Variants in FRAS1 observed in about 807,000 individuals in gnomAD.
FRAS1 encodes Fraser extracellular matrix complex subunit 1, also known as extracellular matrix organizing protein FRAS1.
In FRAS1, 290 loss-of-function variants were observed where a neutral mutation model predicts 435.2. The observed-to-expected ratio is 0.67, with a 90% confidence interval of 0.61 to 0.73. FRAS1 has a LOEUF of 0.73. FRAS1 is among the 30% of genes least tolerant of loss of function. The pLI is 0.00. For synonymous variants in FRAS1, 1,800 were observed against 1,851.0 expected (o/e 0.97, Z 0.71); for missense variants, 4,860 against 5,001.5 (o/e 0.97, Z 0.85).
chr4:78,117,170 T>C (rs1269470482), intron 2 of FRAS1, among the ~76,000 whole-genome samples: 3 of 152,240 alleles, frequency 2.0e-5, no homozygotes, highest in Non-Finnish European at 4.4e-5. Flanking sequence ...CCCACTCTCT[T>C]CTGGCTTGTA....
At chr4:78,200,424 T>G (rs1723001266) in intron 2 of FRAS1, among the ~76,000 whole-genome samples, 1 of 152,190 alleles carries the variant, frequency 6.6e-6, no homozygotes, top group Non-Finnish European at 1.5e-5. Context: ...GCTGACATAT[T>G]TCTCCCAAAG....
intron 27 of FRAS1, among the ~76,000 whole-genome samples, chr4:78,383,817 T>C (rs1023388222): frequency 6.6e-6 from 1 of 152,170 alleles, no homozygotes; most frequent in Non-Finnish European, 1.5e-5. Context: ...GGAAACAAAA[T>C]GTTTACATAA....
chr4:78,182,634 T>C (rs577275000), intron 2 of FRAS1, among the ~76,000 whole-genome samples: 1 of 151,768 alleles, frequency 6.6e-6, no homozygotes, highest in East Asian at 2.0e-4. Context: ...TCCCAGCACT[T>C]TGGGAGGCCG....
chr4:78,481,679 A>T, intron 56 of FRAS1, 125 bp from the exon 57 acceptor site: 1 of 990,006 alleles, frequency 1.0e-6, no homozygotes, highest in Non-Finnish European at 1.6e-6. Flanking sequence ...CACTGAAGCT[A>T]GATTAGAAAA....
intron 9 of FRAS1, among the ~76,000 whole-genome samples, chr4:78,275,867 G>A (rs1007782199): frequency 1.2e-4 from 18 of 152,252 alleles, no homozygotes; most frequent in African/African-American, 3.9e-4. Flanking sequence ...GGCCTGCTTT[G>A]CTAGATTGGG....
chr4:78,506,893 A>G (rs62310275), intron 61 of FRAS1, among the ~76,000 whole-genome samples: 49,820 of 151,790 alleles, frequency 0.33, 8,867 homozygotes, highest in South Asian at 0.52. Context: ...AACGGTACCC[A>G]AAGTGGGTCT....
chr4:78,238,536 AG>A (rs1174099838), intron 3 of FRAS1, among the ~76,000 whole-genome samples: 1 of 151,960 alleles, frequency 6.6e-6, no homozygotes, highest in East Asian at 1.9e-4. Context: ...CAGACACTGA[AG>A]TGAAGGTATG....
intron 9 of FRAS1, among the ~76,000 whole-genome samples, chr4:78,268,910 C>A (rs1240655432): frequency 6.6e-6 from 1 of 152,206 alleles, no homozygotes; most frequent in Non-Finnish European, 1.5e-5. Context: ...CACTCCACTG[C>A]CATCTTTTCT....
chr4:78,455,631 T>G (rs887151935), intron 47 of FRAS1, among the ~76,000 whole-genome samples: 8 of 152,186 alleles, frequency 5.3e-5, no homozygotes. Context: ...TTGATTGTCC[T>G]CTGTAGACAG....
rs945135257 is a variant in FRAS1 at position 78,267,392 on chromosome 4, C to A, written c.941C>A (p.Thr314Asn). The A allele has an allele frequency of 1.2e-6, 2 of 1,613,776 alleles. No homozygotes were observed. Among genetic ancestry groups the A allele is most frequent in the African/African-American group, 2.7e-5 (2 of 74,898 alleles). ...EFCMCDHGQV[T>N]CQTGECAKVE... ...TGCATGTGTGATCATGGCCAAGTGACCTGCCAGACTGGAGAGTGTGCCAAA... is the reference window on the plus strand; with the variant it reads ...TGCATGTGTGATCATGGCCAAGTGAACTGCCAGACTGGAGAGTGTGCCAAA... The change falls in exon 9 of 74, where the codon ACC becomes AAC. Residue 314 changes from threonine (T) to asparagine (N), a missense_variant. Physicochemically the swap from Thr to Asn is moderately conservative, Grantham distance 65. Transcript: ENST00000512123.
At chr4:78,069,114 C>T (rs1397217363) in intron 2 of FRAS1, among the ~76,000 whole-genome samples, 1 of 152,086 alleles carries the variant, frequency 6.6e-6, no homozygotes, top group Non-Finnish European at 1.5e-5. Flanking sequence ...GATTGGTGTC[C>T]CTGTTCCAAA....
At chr4:78,186,476 G>T (rs529709380) in intron 2 of FRAS1, among the ~76,000 whole-genome samples, 1 of 152,284 alleles carries the variant, frequency 6.6e-6, no homozygotes, top group African/African-American at 2.4e-5. Flanking sequence ...TATTAAGTTT[G>T]AATCACATGA....
chr4:78,173,463 GC>G (rs1387555315), intron 2 of FRAS1, among the ~76,000 whole-genome samples: 2 of 152,130 alleles, frequency 1.3e-5, no homozygotes, highest in African/African-American at 2.4e-5. Context: ...CTCTCCAGAT[GC>G]CCTTTACTCT....
At chr4:78,485,903 C>G (rs190616898) in intron 58 of FRAS1, among the ~76,000 whole-genome samples, 4 of 152,316 alleles carry the variant, frequency 2.6e-5, no homozygotes, top group Non-Finnish European at 4.4e-5. Context: ...CAACTCTCAG[C>G]CTTCTGCAGT....
At chr4:78,449,614 A>G (rs116369677) in intron 44 of FRAS1, among the ~76,000 whole-genome samples, 3,937 of 152,170 alleles carry the variant, frequency 0.026, 170 homozygotes, top group African/African-American at 0.09. Flanking sequence ...TTCATCCCCA[A>G]CACCTGCGCA....
intron 9 of FRAS1, among the ~76,000 whole-genome samples, chr4:78,274,692 A>G (rs1046228594): frequency 2.0e-5 from 3 of 152,086 alleles, no homozygotes; most frequent in Non-Finnish European, 4.4e-5. Context: ...GTTTGTTATC[A>G]TTTCTGTTCT....
intron 2 of FRAS1, among the ~76,000 whole-genome samples, chr4:78,117,613 T>C (rs1489110904): frequency 6.6e-6 from 1 of 152,256 alleles, no homozygotes; most frequent in African/African-American, 2.4e-5. Flanking sequence ...TTTCTTCTAG[T>C]TGATCGAATC....
intron 20 of FRAS1, among the ~76,000 whole-genome samples, chr4:78,341,297 G>A (rs2110271019): frequency 6.6e-6 from 1 of 152,334 alleles, no homozygotes; most frequent in Non-Finnish European, 1.5e-5. Context: ...ACAGTGGTGA[G>A]ACTTGAAGTG....
chr4:78,418,853 C>T (rs1733649039), intron 32 of FRAS1, 96 bp from the exon 33 acceptor site: 1 of 674,682 alleles, frequency 1.5e-6, no homozygotes, highest in Admixed American at 2.8e-5. Context: ...AATTTAAAAG[C>T]CCAGAGCAAT....
Sources: gnomAD v4.1 joint callset for allele counts (sites outside exome capture counted in the v4.1 genomes callset) on GRCh38, gnomAD v4.1.1 for gene constraint, MANE v1.5 for transcripts, NCBI Gene and HGNC (gene_info 2026-07-23, HGNC 2026-07-21) for gene names.